The following AKAP3 variants were observed in gnomAD, a reference collection of about 807,000 sequenced individuals.
The protein encoded by AKAP3 is A-kinase anchoring protein 3, also known as A-kinase anchor protein 3.
AKAP3 carries 27 observed loss-of-function variants against 57.2 expected under a neutral mutation model. The ratio of observed to expected loss-of-function variants is 0.47; its 90% CI spans 0.35 to 0.65. AKAP3 has a LOEUF of 0.65. Ranked by LOEUF, AKAP3 falls within the 30% of genes least tolerant of loss-of-function variation. The pLI, the probability that AKAP3 is intolerant of heterozygous loss-of-function variation, is 0.01. For synonymous variants in AKAP3, 334 were observed against 392.3 expected (o/e 0.85, Z 1.76); for missense variants, 959 against 1,040.0 (o/e 0.92, Z 1.07).
At position 4,634,718 on chromosome 12, in the gene AKAP3, AT is replaced by A. The variant is rs1257837738; in HGVS notation, c.96+3382del. On this transcript the variant is annotated intron_variant, in intron 4 of 5. Coordinates refer to ENST00000228850, the MANE Select transcript of AKAP3 (RefSeq NM_001278309.2). ...CTAAAACAAGATGGGATTGCATTTG[AT>A]TTTTTTTTTTACCCCATTAAAAAAA... 1.3e-3 allele frequency among the ~76,000 whole-genome samples: 124 copies of A among 93,828 alleles called. No individual in the cohort carries two copies. In the East Asian group the frequency reaches 0.014, roughly 11 times the overall value. The allele number at this position is 93,828 out of a possible 152,430, so 61.6% of individuals were successfully genotyped here.
Position 4,625,719 on chromosome 12 carries a change from A to G in AKAP3, c.2406+777T>C, listed in dbSNP as rs373907863. Among the ~76,000 whole-genome samples, 1 of 122,924 alleles carries G rather than the reference A, an allele frequency of 8.1e-6. No homozygotes were observed. Among genetic ancestry groups the G allele is most frequent in the African/African-American group, 3.1e-5 (1 of 32,734 alleles). The allele number at this position is 122,924 out of a possible 152,430, so 80.6% of individuals were successfully genotyped here. On this transcript the variant is annotated intron_variant, in intron 5 of 5. Transcript: ENST00000228850. The surrounding 1 kb of genome is among the most constrained non-coding windows in gnomAD (Gnocchi z 5.4). ...AGAGAGAGAGAGAGAGAGAGAGAGC[A>G]AGCGAGCGAGAAGGCAGAGAGGAGA...
At position 4,615,527 on chromosome 12, in the gene AKAP3, A is replaced by C. The variant is rs1026347940; in HGVS notation, c.*212T>G. 9.8e-6 allele frequency: 5 copies of C among 510,552 alleles called. No homozygotes were observed. The allele number at this position is 510,552 out of a possible 1,614,324, so 31.6% of individuals were successfully genotyped here. On this transcript the variant is annotated 3_prime_UTR_variant, in exon 6 of 6. Transcript: ENST00000228850. Reference sequence around the variant, plus strand: ...AAAACATGTGGAGCCCTTTAATTGTAATTTTTTAATTTTACGTCCTTGCTT... The same window carrying C: ...AAAACATGTGGAGCCCTTTAATTGTCATTTTTTAATTTTACGTCCTTGCTT...
chr12:4,620,582 G>T (rs1237653578), intron 5 of AKAP3, among the ~76,000 whole-genome samples: 3 of 149,076 alleles, frequency 2.0e-5, no homozygotes, highest in Non-Finnish European at 4.5e-5. Context: ...AATCATAAAA[G>T]TACAGTCATA....
At chr12:4,636,089 C>T in intron 4 of AKAP3, 1 of 1,221,742 alleles carries the variant, frequency 8.2e-7, no homozygotes, top group African/African-American at 1.5e-5. Flanking sequence ...CCCAGAAATA[C>T]TGGCATATTG....
intron 4 of AKAP3, chr12:4,631,273 G>A (rs1373908939): frequency 1.4e-6 from 1 of 698,920 alleles, no homozygotes; most frequent in South Asian, 1.5e-5. Context: ...TCTGCTGGGT[G>A]TGAGGCAACA....
chr12:4,639,510 T>C (rs909220720), intron 3 of AKAP3, among the ~76,000 whole-genome samples: 2 of 152,180 alleles, frequency 1.3e-5, no homozygotes, highest in Non-Finnish European at 2.9e-5. Context: ...GTGTGCTGTC[T>C]TGGTTTGCTG....
intron 5 of AKAP3, among the ~76,000 whole-genome samples, chr12:4,617,486 C>T (rs1246441539): frequency 6.6e-6 from 1 of 152,222 alleles, no homozygotes; most frequent in Non-Finnish European, 1.5e-5. Context: ...GGAGCAGTGG[C>T]TCACGCCTGT....
In AKAP3 at chr12:4,628,293, C is replaced by T. The variant is rs2072356; in HGVS notation, c.609G>A (p.Ser203=). 0.8 allele frequency: 1,283,780 copies of T among 1,613,866 alleles called. 513,537 individuals are homozygous for T. Among genetic ancestry groups the T allele is most frequent in the Admixed American group, 0.83 (49,634 of 59,996 alleles). Residue 203 remains serine, a synonymous_variant, in exon 5 of 6, where the codon TCG becomes TCA. Transcript: ENST00000228850. ...AATTTGGGGGACTTTGTGATGATCCCGAGACTCTGTCTCCAGAGCCAGGAG... is the reference window on the plus strand; with the variant it reads ...AATTTGGGGGACTTTGTGATGATCCTGAGACTCTGTCTCCAGAGCCAGGAG... The part of the protein sequence containing the change: ...DKAPGSGDRV[S]GSSQSPPNLK...
chr12:4,645,998 C>T (rs1945693750), intron 1 of AKAP3: 2 of 152,142 alleles, frequency 1.3e-5, no homozygotes, highest in African/African-American at 4.8e-5. Flanking sequence ...CCAGCCAGGA[C>T]TCTTTTTATT....
rs763776509 is a variant in AKAP3, at chr12:4,615,824, C to T, written c.2477G>A (p.Arg826His). The T allele has an allele frequency of 1.4e-5, 22 of 1,614,104 alleles. No individual in the cohort carries two copies. The highest frequency in any genetic ancestry group is 7.7e-5 in the South Asian group (7 of 91,084). ...SVGEVLQSVL[R>H]YEKERQLNEA... ...ATTCAGCTGGCGCTCCTTCTCATAG[C>T]GCAGCACCGACTGCAGAACCTCGCC... The change falls in exon 6 of 6, where the codon CGC becomes CAC. Residue 826 changes from arginine to histidine, a missense_variant. Physicochemically the swap from Arg to His is conservative, Grantham distance 29 (BLOSUM62 0). Transcript: ENST00000228850.
intron 3 of AKAP3, among the ~76,000 whole-genome samples, chr12:4,638,890 T>G (rs1274266507): frequency 1.3e-5 from 2 of 152,222 alleles, no homozygotes; most frequent in African/African-American, 2.4e-5. Flanking sequence ...CCCAATACTT[T>G]GCTCTATTCC....
At chr12:4,635,782 T>G in intron 4 of AKAP3, 1 of 707,658 alleles carries the variant, frequency 1.4e-6, no homozygotes, top group East Asian at 2.5e-5. Context: ...TTTCAAACTA[T>G]ACTGTAGTGT....
At chr12:4,633,079 G>A (rs941770489) in intron 4 of AKAP3, among the ~76,000 whole-genome samples, 8 of 151,252 alleles carry the variant, frequency 5.3e-5, no homozygotes, top group African/African-American at 1.9e-4. Flanking sequence ...CCTTACTATA[G>A]TGCAGCTGTG....
chr12:4,627,794 C>A lies in AKAP3; in HGVS notation c.1108G>T (p.Ala370Ser). The change falls in exon 5 of 6, where the codon GCC becomes TCC. Residue 370 changes from alanine (A) to serine (S), a missense_variant. Physicochemically the swap from Ala to Ser is moderately conservative, Grantham distance 99. Coordinates refer to ENST00000228850, the MANE Select transcript of AKAP3 (RefSeq NM_001278309.2). ...RTVFSHGSQK[A>S]TDIMDAMLRK... ...AGCATGGCATCCATGATATCTGTGG[C>A]CTTTTGGCTTCCATGAGAGAAGACA... 6.2e-7 allele frequency: 1 copy of A among 1,614,098 alleles called. No homozygotes were observed. The highest frequency in any genetic ancestry group is 1.1e-5 in the South Asian group (1 of 91,070).
intron 5 of AKAP3, among the ~76,000 whole-genome samples, chr12:4,620,596 T>G (rs1228923259): frequency 6.6e-6 from 1 of 152,032 alleles, no homozygotes; most frequent in Non-Finnish European, 1.5e-5. Context: ...AGTCATACAC[T>G]GCATAATGAT....
At chr12:4,636,858 T>TC (rs2137443957) in intron 4 of AKAP3, among the ~76,000 whole-genome samples, 1 of 152,320 alleles carries the variant, frequency 6.6e-6, no homozygotes, top group South Asian at 2.1e-4. Context: ...CAAGTGATTC[T>TC]CCTGCCTCAG....
chr12:4,642,266 G>T (rs1945646684), intron 2 of AKAP3, among the ~76,000 whole-genome samples: 3 of 152,106 alleles, frequency 2.0e-5, no homozygotes, highest in African/African-American at 7.2e-5. Context: ...TTGCTATACA[G>T]TCTTTTTAAA....
intron 4 of AKAP3, among the ~76,000 whole-genome samples, chr12:4,629,712 A>G (rs1945474157): frequency 6.6e-6 from 1 of 152,210 alleles, no homozygotes. Context: ...TTCTTGTTTT[A>G]ATATTAATTG....
rs1197857703 is a variant in AKAP3 at position 4,625,946 on chromosome 12, A to G, written c.2406+550T>C. On this transcript the variant is annotated intron_variant, in intron 5 of 5. Coordinates refer to ENST00000228850, the MANE Select transcript of AKAP3 (RefSeq NM_001278309.2). This position sits in a 1 kb window ranked among gnomAD's most constrained non-coding sequence, Gnocchi z 5.4. ...AATAACAGTGATAAGTTGATTTCCC[A>G]TCTACCTTATGCTTTAGTCTTACTT... 1.3e-5 allele frequency among the ~76,000 whole-genome samples: 2 copies of G among 152,090 alleles called. No individual in the cohort carries two copies. The highest frequency in any genetic ancestry group is 4.8e-5 in the African/African-American group (2 of 41,414).
Sources: allele counts gnomAD v4.1 joint callset (sites outside exome capture counted in the v4.1 genomes callset), GRCh38; gene constraint gnomAD v4.1.1; non-coding constraint Gnocchi (gnomAD v3.1); transcripts MANE v1.5; gene names NCBI Gene and HGNC (gene_info 2026-07-23, HGNC 2026-07-21).